RITA1: variants seen among roughly 807,000 people sequenced by gnomAD.
RITA1 encodes RBPJ interacting and tubulin associated 1.
In RITA1, 15 loss-of-function variants were observed where a neutral mutation model predicts 8.7. The ratio of observed to expected loss-of-function variants is 1.72; its 90% CI spans 1.15 to 2.65. The LOEUF (loss-of-function observed/expected upper bound fraction) is 2.65, where lower values mean the gene tolerates loss of function less well. Among genes scored for constraint, RITA1 ranks in the 30% most tolerant of loss-of-function variants. The pLI, the probability that RITA1 is intolerant of heterozygous loss-of-function variation, is 0.00. For missense variants in RITA1, 330 were observed against 363.8 expected, an observed-to-expected ratio of 0.91 and a Z score of 0.76; for synonymous variants, 145 against 156.2, an observed-to-expected ratio of 0.93 and a Z score of 0.53.
rs753756916 is a variant in RITA1, at chr12:113,191,699, CAG to C, written c.693_694del (p.Val233AspfsTer15). On this transcript the variant is annotated frameshift_variant, in exon 4 of 4. Coordinates refer to ENST00000548278, the MANE Select transcript of RITA1 (RefSeq NM_032848.3). LOFTEE classifies it low-confidence loss of function (END_TRUNC). This position sits in a 1 kb window ranked among gnomAD's most constrained non-coding sequence, Gnocchi z 4.0. ...CCTCAGGATCTCAGGCCTTCCACGT[CAG>C]GGGTGACCTTCCGGAGCCCCCTGGT... 2.5e-6 allele frequency: 4 copies of C among 1,614,130 alleles called. No individual in the cohort carries two copies. Among genetic ancestry groups the C allele is most frequent in the Non-Finnish European group, 3.4e-6 (4 of 1,180,024 alleles).
intron 3 of RITA1, among the ~76,000 whole-genome samples, chr12:113,190,950 T>C (rs1281215034): frequency 6.6e-6 from 1 of 152,236 alleles, no homozygotes; most frequent in Non-Finnish European, 1.5e-5. Flanking sequence ...TAGTGGTTTC[T>C]GCAAGGTCCT....
rs557893380 is a variant in RITA1, at chr12:113,191,074, T to C, written c.303-236T>C. Among the ~76,000 whole-genome samples the C allele has an allele frequency of 6.6e-5, 10 of 152,156 alleles. No individual in the cohort carries two copies. In the South Asian group the frequency reaches 2.1e-3, roughly 32 times the overall value. On this transcript the variant is annotated intron_variant, in intron 3 of 3. Transcript: ENST00000548278. This position sits in a 1 kb window ranked among gnomAD's most constrained non-coding sequence, Gnocchi z 4.0. Reference sequence around the variant, plus strand: ...CAGGCCTGGGGCACATGTCTGGGAATGGGGTCAGGATGCAGGGGCAGTGGA... The same window carrying C: ...CAGGCCTGGGGCACATGTCTGGGAACGGGGTCAGGATGCAGGGGCAGTGGA...
rs1952548564 is a variant in RITA1 at position 113,187,163 on chromosome 12, C to G, written c.302+115C>G. ...GGGCAAGCATCTTGACCTCTCTGAG[C>G]CAGTTTACTCATGTGGAAAATAGGA... On this transcript the variant is annotated intron_variant, in intron 3 of 3. Coordinates refer to ENST00000548278, the MANE Select transcript of RITA1 (RefSeq NM_032848.3). 3 of 1,119,146 alleles carry G rather than the reference C, an allele frequency of 2.7e-6. No individual in the cohort carries two copies. In the Admixed American group the frequency reaches 8.8e-5, roughly 33 times the overall value. The allele number at this position is 1,119,146 out of a possible 1,614,324, so 69.3% of individuals were successfully genotyped here. A position where few individuals can be genotyped will look rare whatever the true frequency, so the allele number is the denominator to read the frequency against.
chr12:113,191,294 A>T lies in RITA1; in HGVS notation c.303-16A>T. ...GTTCATCCCCCAGCTCATGGCGTTT[A>T]TCTTCCATTTGCCAGACCCATCAGC... is the stretch of plus-strand genomic sequence containing the variant. On this transcript the variant is annotated splice_polypyrimidine_tract_variant and intron_variant, in intron 3 of 3. Transcript: ENST00000548278. This position sits in a 1 kb window ranked among gnomAD's most constrained non-coding sequence, Gnocchi z 4.0. The T allele has an allele frequency of 6.6e-7, 1 of 1,504,332 alleles. No individual in the cohort carries two copies. The highest frequency in any genetic ancestry group is 8.9e-7 in the Non-Finnish European group (1 of 1,127,248). The allele number at this position is 1,504,332 out of a possible 1,614,324, so 93.2% of individuals were successfully genotyped here.
chr12:113,186,721 T>C lies in RITA1; in HGVS notation c.-26T>C. 1 of 1,608,628 alleles carries C rather than the reference T, an allele frequency of 6.2e-7. No individual in the cohort carries two copies. Among genetic ancestry groups the C allele is most frequent in the Non-Finnish European group, 8.5e-7 (1 of 1,176,320 alleles). ...CAGGGCCTGGCCGGCAGAGCACACC[T>C]GCTGTCACCAGGGACCACAGGCAGC... On this transcript the variant is annotated 5_prime_UTR_variant, in exon 3 of 4. Coordinates refer to ENST00000548278, the MANE Select transcript of RITA1 (RefSeq NM_032848.3).
In RITA1 at chr12:113,186,012, A is replaced by G. The variant is rs1219195458; in HGVS notation, c.-206A>G. ...TGAGGATCCCGATGCCTACGAGCCA[A>G]GATGCTCAGGTAGGAGAACAACCCA... On this transcript the variant is annotated 5_prime_UTR_variant, in exon 1 of 4. Transcript: ENST00000548278. The G allele has an allele frequency of 6.5e-7, 1 of 1,535,912 alleles. No individual in the cohort carries two copies. Among genetic ancestry groups the G allele is most frequent in the Non-Finnish European group, 8.7e-7 (1 of 1,146,822 alleles).
rs375869135 is a variant in RITA1 at position 113,191,542 on chromosome 12, G to A, written c.535G>A (p.Asp179Asn). The A allele has an allele frequency of 3.7e-5, 60 of 1,613,436 alleles. No homozygotes were observed. Among genetic ancestry groups the A allele is most frequent in the Non-Finnish European group, 4.8e-5 (57 of 1,179,600 alleles). The change falls in exon 4 of 4, where the codon GAC becomes AAC. Residue 179 changes from aspartate (D) to asparagine (N), a missense_variant. Transcript: ENST00000548278. The surrounding 1 kb of genome is among the most constrained non-coding windows in gnomAD (Gnocchi z 4.0). The stretch of plus-strand genomic sequence containing the variant: ...CAAGACAGAGCCGGGGCCAGCGGCA[G>A]ACTCCCAGAAGTTATCTATGGGTGG... ...PSKTEPGPAA[D>N]SQKLSMGGLH...
intron 3 of RITA1, among the ~76,000 whole-genome samples, chr12:113,190,059 G>A (rs1286053734): frequency 1.4e-5 from 2 of 141,058 alleles, no homozygotes; most frequent in Non-Finnish European, 3.1e-5. Context: ...GCCGGGCGCA[G>A]TGACTCTTGC....
At position 113,191,419 on chromosome 12, in the gene RITA1, C is replaced by G. The variant is rs371991798; in HGVS notation, c.412C>G (p.Arg138Gly). 6.2e-7 allele frequency: 1 copy of G among 1,609,654 alleles called. No homozygotes were observed. Among genetic ancestry groups the G allele is most frequent in the African/African-American group, 1.3e-5 (1 of 74,950 alleles). Residue 138 changes from arginine to glycine, a missense_variant, in exon 4 of 4, where the codon CGT becomes GGT. Arg to Gly is a moderately radical substitution (Grantham distance 125, BLOSUM62 -2). Transcript: ENST00000548278. The surrounding 1 kb of genome is among the most constrained non-coding windows in gnomAD (Gnocchi z 4.0). ...RMAKGDAAKLRALLWTPPPTP... is the reference protein window; with the variant it reads ...RMAKGDAAKLGALLWTPPPTP... ...GGCGAAGGGGGATGCCGCAAAGCTC[C>G]GTGCTCTCTTGTGGACGCCACCACC...
chr12:113,191,348 T>A lies in RITA1; in HGVS notation c.341T>A (p.Leu114Gln). Residue 114 changes from leucine (L) to glutamine (Q), a missense_variant, in exon 4 of 4, where the codon CTG (leucine) becomes CAG (glutamine). Transcript: ENST00000548278. This position sits in a 1 kb window ranked among gnomAD's most constrained non-coding sequence, Gnocchi z 4.0. Reference protein sequence around the residue: ...SHTPSYCDESLFGSRSEGASF... With the variant: ...SHTPSYCDESQFGSRSEGASF... ...ACCCCGTCTTACTGTGATGAGTCGC[T>A]GTTTGGCTCCCGATCTGAAGGCGCC... 1 of 1,570,090 alleles carries A rather than the reference T, an allele frequency of 6.4e-7. No homozygotes were observed. The highest frequency in any genetic ancestry group is 8.6e-7 in the Non-Finnish European group (1 of 1,156,708).
Position 113,191,907 on chromosome 12 carries a change from A to G in RITA1, c.*90A>G, listed in dbSNP as rs1952611634. 1 of 1,479,332 alleles carries G rather than the reference A, an allele frequency of 6.8e-7. No homozygotes were observed. The highest frequency in any genetic ancestry group is 1.4e-5 in the African/African-American group (1 of 71,018). 91.6% of individuals were successfully genotyped at this position (1,479,332 alleles called of 1,614,324 possible). On this transcript the variant is annotated 3_prime_UTR_variant, in exon 4 of 4. Coordinates refer to ENST00000548278, the MANE Select transcript of RITA1 (RefSeq NM_032848.3). The surrounding 1 kb of genome is among the most constrained non-coding windows in gnomAD (Gnocchi z 4.0). The stretch of plus-strand genomic sequence containing the variant: ...GGACATTCATCACCCAGGGAACCCC[A>G]GGTATTAAAGAAGCCCCTGTGGGGG...
intron 3 of RITA1, among the ~76,000 whole-genome samples, chr12:113,187,714 G>A (rs956663117): frequency 2.3e-5 from 3 of 128,942 alleles, no homozygotes; most frequent in Admixed American, 9.8e-5. Context: ...CTGAGATCAC[G>A]CCTCTGCACT....
At chr12:113,189,695 G>T (rs115362382) in intron 3 of RITA1, among the ~76,000 whole-genome samples, 144 of 149,648 alleles carry the variant, frequency 9.6e-4, no homozygotes, top group Admixed American at 2.7e-3. Context: ...AACTATGGGC[G>T]TGGAATCTTG....
Position 113,191,229 on chromosome 12 carries a change from C to T in RITA1, c.303-81C>T. The T allele has an allele frequency of 6.8e-7, 1 of 1,470,780 alleles. No homozygotes were observed. The highest frequency in any genetic ancestry group is 9.0e-7 in the Non-Finnish European group (1 of 1,115,048). The allele number at this position is 1,470,780 out of a possible 1,614,324, so 91.1% of individuals were successfully genotyped here. ...GGCAACCCTCCTCTGCTGCTGCCAT[C>T]CCAGGGTGGGTGGGAGAGCTGTTAA... On this transcript the variant is annotated intron_variant, in intron 3 of 3. Transcript: ENST00000548278. The surrounding 1 kb of genome is among the most constrained non-coding windows in gnomAD (Gnocchi z 4.0).
intron 1 of RITA1, 29 bp downstream of exon 1, chr12:113,186,050 C>G: frequency 6.5e-7 from 1 of 1,536,008 alleles, no homozygotes; most frequent in Non-Finnish European, 8.7e-7. Context: ...AATGCAGGGA[C>G]CTCGGGCACT....
At chr12:113,190,958 C>T (rs1033358947) in intron 3 of RITA1, among the ~76,000 whole-genome samples, 1 of 152,208 alleles carries the variant, frequency 6.6e-6, no homozygotes, top group African/African-American at 2.4e-5. Context: ...TCTGCAAGGT[C>T]CTAAGGCAGA....
intron 3 of RITA1, among the ~76,000 whole-genome samples, chr12:113,189,732 T>TAAAAAAAAAAAAA (rs34117781): frequency 1.3e-5 from 1 of 76,910 alleles, no homozygotes. Flanking sequence ...ATCTGTTGAA[T>TAAAAAAAAAAAAA]AAAAAAAAAA....
chr12:113,188,875 A>G (rs989345235), intron 3 of RITA1, among the ~76,000 whole-genome samples: 3 of 123,900 alleles, frequency 2.4e-5, no homozygotes, highest in African/African-American at 9.6e-5. Flanking sequence ...CAGTGGCACC[A>G]TCTCGGATCA....
At chr12:113,189,534 G>C (rs893694821) in intron 3 of RITA1, among the ~76,000 whole-genome samples, 1 of 152,158 alleles carries the variant, frequency 6.6e-6, no homozygotes, top group Non-Finnish European at 1.5e-5. Context: ...GGTTGCATAA[G>C]AGGTAGAGAA....
Sources: allele counts gnomAD v4.1 joint callset (sites outside exome capture counted in the v4.1 genomes callset), GRCh38; gene constraint gnomAD v4.1.1; non-coding constraint Gnocchi (gnomAD v3.1); transcripts MANE v1.5; gene names NCBI Gene and HGNC (gene_info 2026-07-23, HGNC 2026-07-21).